STK3: variants seen among roughly 807,000 people sequenced by gnomAD.
The protein encoded by STK3 is serine/threonine-protein kinase 3.
In STK3, 41 loss-of-function variants were observed where a neutral mutation model predicts 58.0. The ratio of observed to expected loss-of-function variants is 0.71; its 90% CI spans 0.55 to 0.92. The LOEUF (loss-of-function observed/expected upper bound fraction) is 0.92. STK3 is among the 40% of genes least tolerant of loss of function. The pLI, the probability that STK3 is intolerant of heterozygous loss-of-function variation, is 0.00. For synonymous variants in STK3, 170 were observed against 191.0 expected, an observed-to-expected ratio of 0.89 and a Z score of 0.91; for missense variants, 479 against 602.7, an observed-to-expected ratio of 0.79 and a Z score of 2.15.
At position 98,555,360 on chromosome 8, in the gene STK3, TTAGAA is replaced by T. The variant is rs1477087635; in HGVS notation, c.949-7204_949-7200del. ...ATTAGTGTCACAAAAGACAAATACT[TTAGAA>T]TATAAAATTGTTTCTATATTCTCAA... On this transcript the variant is annotated intron_variant, in intron 8 of 10. Coordinates refer to ENST00000419617, the MANE Select transcript of STK3 (RefSeq NM_006281.4). Among the ~76,000 whole-genome samples, 3 of 152,244 alleles carry T rather than the reference TTAGAA, an allele frequency of 2.0e-5. No individual in the cohort carries two copies. In the East Asian group the frequency reaches 5.8e-4, roughly 29 times the overall value.
At chr8:98,688,413 C>T (rs896143058) in intron 6 of STK3, among the ~76,000 whole-genome samples, 1 of 152,074 alleles carries the variant, frequency 6.6e-6, no homozygotes, top group African/African-American at 2.4e-5. Context: ...TAATGCTTGA[C>T]CAACTGAACC....
rs1819422813 is a variant in STK3 at position 98,455,449 on chromosome 8, T to A, written c.*393A>T. 6.2e-6 allele frequency: 1 copy of A among 161,118 alleles called. No individual in the cohort carries two copies. The highest frequency in any genetic ancestry group is 2.4e-5 in the African/African-American group (1 of 41,504). 10.0% of individuals were successfully genotyped at this position (161,118 alleles called of 1,614,324 possible). A position where few individuals can be genotyped will look rare whatever the true frequency, so the allele number is the denominator to read the frequency against. On this transcript the variant is annotated 3_prime_UTR_variant, in exon 11 of 11. Transcript: ENST00000419617. ...AATAGCATAAATAAATAAGTTTACC[T>A]AAGGGGATACAATAAATAGCCTAGT...
chr8:98,757,785 T>C (rs183677581), intron 3 of STK3, among the ~76,000 whole-genome samples: 4 of 151,162 alleles, frequency 2.6e-5, no homozygotes, highest in Admixed American at 6.6e-5. Flanking sequence ...GGGAGAAAAA[T>C]GGAAAAACAT....
chr8:98,623,262 G>T (rs1001762050), intron 6 of STK3, among the ~76,000 whole-genome samples: 7 of 151,832 alleles, frequency 4.6e-5, no homozygotes, highest in African/African-American at 1.7e-4. Flanking sequence ...AGGAAGGAAG[G>T]AAAAGTATAG....
chr8:98,611,584 T>TA (rs565593029), intron 6 of STK3, among the ~76,000 whole-genome samples: 19 of 151,746 alleles, frequency 1.3e-4, no homozygotes, highest in Non-Finnish European at 2.1e-4. Context: ...ATTAAAATGA[T>TA]AAAAAAAAAT....
chr8:98,461,877 C>T (rs182889757), intron 10 of STK3, among the ~76,000 whole-genome samples: 98 of 152,268 alleles, frequency 6.4e-4, no homozygotes, highest in Admixed American at 1.9e-3. Flanking sequence ...TTTTCCTTTA[C>T]AGGTTACATA....
chr8:98,884,757 C>T (rs539831454), intron 1 of STK3, among the ~76,000 whole-genome samples: 2 of 152,196 alleles, frequency 1.3e-5, no homozygotes, highest in African/African-American at 4.8e-5. Context: ...AATTTGTCTC[C>T]CCCATTAGAA....
intron 6 of STK3, among the ~76,000 whole-genome samples, chr8:98,698,074 C>G (rs1464768328): frequency 6.6e-6 from 1 of 152,110 alleles, no homozygotes; most frequent in Non-Finnish European, 1.5e-5. Flanking sequence ...ATATTTAAGA[C>G]AGTTAGCTCT....
At chr8:98,613,720 A>C (rs1020607094) in intron 6 of STK3, among the ~76,000 whole-genome samples, 1 of 152,116 alleles carries the variant, frequency 6.6e-6, no homozygotes, top group Non-Finnish European at 1.5e-5. Context: ...TTAAATGTAA[A>C]TCGCCTAAAT....
intron 4 of STK3, among the ~76,000 whole-genome samples, chr8:98,746,389 A>G (rs551139562): frequency 6.6e-6 from 1 of 152,258 alleles, no homozygotes; most frequent in African/African-American, 2.4e-5. Flanking sequence ...ACAGAATTAG[A>G]CTATAATTAA....
At chr8:98,661,042 G>C (rs547573690) in intron 6 of STK3, among the ~76,000 whole-genome samples, 1 of 151,672 alleles carries the variant, frequency 6.6e-6, no homozygotes, top group East Asian at 1.9e-4. Context: ...GTACAGCAAA[G>C]GTAACTACAG....
intron 8 of STK3, among the ~76,000 whole-genome samples, chr8:98,554,250 C>T (rs1013195348): frequency 1.3e-5 from 2 of 152,056 alleles, no homozygotes; most frequent in Non-Finnish European, 1.5e-5. Context: ...CTATCAGTTC[C>T]TTTTTTCAAA....
chr8:98,433,669 T>C (rs780685101), intron 3 of STK3, among the ~76,000 whole-genome samples: 2 of 152,226 alleles, frequency 1.3e-5, no homozygotes, highest in Non-Finnish European at 2.9e-5. Context: ...TGTCTCTCTA[T>C]GTCCTCATTC....
intron 3 of STK3, among the ~76,000 whole-genome samples, chr8:98,762,494 T>C (rs1209705226): frequency 6.6e-6 from 1 of 152,196 alleles, no homozygotes; most frequent in Non-Finnish European, 1.5e-5. Context: ...GACCTTGTGA[T>C]CCACCCGCCT....
At chr8:98,429,675 TG>T in intron 3 of STK3, 2 of 480,982 alleles carry the variant, frequency 4.2e-6, no homozygotes, top group Non-Finnish European at 3.8e-6. Flanking sequence ...TTCACCTTTT[TG>T]CCAGATGAGT....
At chr8:98,347,239 G>C in the STK3 span, among the ~76,000 whole-genome samples, 5 of 152,040 alleles carry the variant, frequency 3.3e-5, no homozygotes, top group South Asian at 6.2e-4. Context: ...TATTGGCCGG[G>C]CACGGTGGCT....
At chr8:98,586,722 G>C (rs1377722957) in intron 7 of STK3, among the ~76,000 whole-genome samples, 1 of 151,940 alleles carries the variant, frequency 6.6e-6, no homozygotes, top group Admixed American at 6.5e-5. Flanking sequence ...GAATCTGTCT[G>C]GTCCTGGACT....
upstream of STK3, among the ~76,000 whole-genome samples, chr8:98,829,907 G>A (rs909107944): frequency 2.6e-5 from 4 of 152,170 alleles, no homozygotes; most frequent in Non-Finnish European, 4.4e-5. Context: ...AGGAAGAAAA[G>A]TGAAATGGAA....
chr8:98,697,716 T>C (rs957649676), intron 6 of STK3, among the ~76,000 whole-genome samples: 1 of 152,198 alleles, frequency 6.6e-6, no homozygotes, highest in Admixed American at 6.5e-5. Flanking sequence ...CACTGTAGTT[T>C]GAGAGACAGT....
Sources: gnomAD v4.1 joint callset for allele counts (sites outside exome capture counted in the v4.1 genomes callset) on GRCh38, gnomAD v4.1.1 for gene constraint, MANE v1.5 for transcripts, NCBI Gene and HGNC (gene_info 2026-07-23, HGNC 2026-07-21) for gene names.